Variants in NAA16 observed in about 807,000 individuals in gnomAD.
The protein encoded by NAA16 is N-alpha-acetyltransferase 16, NatA auxiliary subunit.
A neutral mutation model predicts 110.3 loss-of-function variants in NAA16; 97 were observed. The observed-to-expected ratio is 0.88, with a 90% CI of 0.75 to 1.04. The LOEUF is 1.04. Among genes scored for constraint, NAA16 ranks in the 50% least tolerant of loss-of-function variants. The pLI is 0.00. For missense variants in NAA16, 1,017 were observed against 1,005.1 expected (o/e 1.01, Z -0.16); for synonymous variants, 372 against 330.6 (o/e 1.13, Z -1.36).
chr13:41,373,588 T>C (rs79735614), intron 17 of NAA16, 49 bp from the exon 18 acceptor site: 87 of 1,515,904 alleles, frequency 5.7e-5, no homozygotes, highest in African/African-American at 1.0e-4. Flanking sequence ...TTTTTTTTTT[T>C]CAAAGGACAG....
At chr13:41,333,157 T>C (rs1327778936) in intron 8 of NAA16, among the ~76,000 whole-genome samples, 1 of 152,118 alleles carries the variant, frequency 6.6e-6, no homozygotes, top group African/African-American at 2.4e-5. Flanking sequence ...AAGATGGGAG[T>C]ATATGCGTAG....
chr13:41,361,377 A>G (rs996897454), intron 12 of NAA16, among the ~76,000 whole-genome samples: 1 of 152,200 alleles, frequency 6.6e-6, no homozygotes, highest in Non-Finnish European at 1.5e-5. Context: ...AGCTATTACT[A>G]ACAGATTTGA....
chr13:41,375,633 C>T lies in NAA16; in HGVS notation c.*31C>T, dbSNP rs749545143. 2.0e-6 allele frequency: 3 copies of T among 1,508,486 alleles called. No homozygotes were observed. The highest frequency in any genetic ancestry group is 2.7e-6 in the Non-Finnish European group (3 of 1,106,990). 93.4% of individuals were successfully genotyped at this position (1,508,486 alleles called of 1,614,324 possible). On this transcript the variant is annotated 3_prime_UTR_variant, in exon 20 of 20. Transcript: ENST00000379406. ...TCTAGAAAGTAGACTCCTATAGACT[C>T]AAAGCTGAATTGAGATCAGGGTTTC...
In NAA16 at chr13:41,311,563, A is replaced by C. The variant is rs377070676; in HGVS notation, c.35A>C (p.Asn12Thr). ...GTGCTGCTGCCGCCCAAGGAGAGCA[A>C]CCTCTTCAAACGCATCTTGGTGAGT... Reference protein sequence around the residue: ...PNVLLPPKESNLFKRILKCYE... With the variant: ...PNVLLPPKESTLFKRILKCYE... The change falls in exon 1 of 20, where the codon AAC (asparagine) becomes ACC (threonine). Residue 12 changes from asparagine to threonine, a missense_variant. Transcript: ENST00000379406. 6.2e-7 allele frequency: 1 copy of C among 1,608,104 alleles called. No individual in the cohort carries two copies. The highest frequency in any genetic ancestry group is 1.7e-5 in the Admixed American group (1 of 59,370).
intron 9 of NAA16, among the ~76,000 whole-genome samples, chr13:41,350,631 T>G (rs1431219951): frequency 6.7e-6 from 1 of 148,716 alleles, no homozygotes; most frequent in Admixed American, 6.7e-5. Flanking sequence ...TTTGTTTGTT[T>G]TTTTTAAGAT....
intron 17 of NAA16, chr13:41,373,039 C>A (rs1316141702): frequency 1.2e-6 from 1 of 800,094 alleles, no homozygotes; most frequent in Non-Finnish European, 1.5e-6. Flanking sequence ...AGTTGTCTTA[C>A]ATTAAGCTGG....
In NAA16 at chr13:41,320,088, A is replaced by T. The variant is rs2041909789; in HGVS notation, c.245-579A>T. On this transcript the variant is annotated intron_variant, in intron 3 of 19. Transcript: ENST00000379406. ...AGAGTGAAGAGAAGGGCATGTAAGTATGATAGTTTTGTGGGGCTTTTGGCT... is the reference window on the plus strand; with the variant it reads ...AGAGTGAAGAGAAGGGCATGTAAGTTTGATAGTTTTGTGGGGCTTTTGGCT... Among the ~76,000 whole-genome samples the T allele has an allele frequency of 2.0e-5, 3 of 152,326 alleles. No individual in the cohort carries two copies. In the South Asian group the frequency reaches 6.2e-4, roughly 32 times the overall value.
chr13:41,347,087 G>A (rs1358038061), intron 9 of NAA16, among the ~76,000 whole-genome samples: 2 of 151,636 alleles, frequency 1.3e-5, no homozygotes, highest in East Asian at 3.9e-4. Context: ...GTGGTGGCAG[G>A]CATCTACACT....
chr13:41,321,162 G>A lies in NAA16; in HGVS notation c.402+338G>A, dbSNP rs571482148. 1.8e-4 allele frequency among the ~76,000 whole-genome samples: 28 copies of A among 152,204 alleles called. No homozygotes were observed. The South Asian group carries it at 4.6e-3, about 25-fold the overall frequency. ...CAAATAAGAAAATTAGCCCGGTATGGTAGTTTACACCTGCAGTCCCAGCTA... is the reference window on the plus strand; with the variant it reads ...CAAATAAGAAAATTAGCCCGGTATGATAGTTTACACCTGCAGTCCCAGCTA... On this transcript the variant is annotated intron_variant, in intron 4 of 19. Transcript: ENST00000379406.
chr13:41,373,701 A>G lies in NAA16; in HGVS notation c.2220A>G (p.Ile740Met), dbSNP rs755426113. The G allele has an allele frequency of 1.2e-6, 2 of 1,611,692 alleles. No individual in the cohort carries two copies. The highest frequency in any genetic ancestry group is 1.1e-5 in the South Asian group (1 of 90,598). ...TTCTATCTCAAGAAATGCAGAAAAT[A>G]TTTGTCAAAAAGGATTTGGAAAGTT... Reference protein sequence around the residue: ...SKVLSQEMQKIFVKKDLESFN... With the variant: ...SKVLSQEMQKMFVKKDLESFN... The change falls in exon 18 of 20, where the codon ATA becomes ATG. Residue 740 changes from isoleucine (I) to methionine (M), a missense_variant. Physicochemically the swap from Ile to Met is conservative, Grantham distance 10. Coordinates refer to ENST00000379406, the MANE Select transcript of NAA16 (RefSeq NM_024561.5).
intron 6 of NAA16, 127 bp downstream of exon 6, chr13:41,325,978 C>A: frequency 1.6e-6 from 1 of 624,492 alleles, no homozygotes; most frequent in Non-Finnish European, 2.5e-6. Flanking sequence ...GATTATTAAG[C>A]CATTATTAAC....
chr13:41,374,370 G>C (rs2043387223), intron 18 of NAA16: 1 of 158,538 alleles, frequency 6.3e-6, no homozygotes, highest in African/African-American at 2.4e-5. Context: ...TCATAGTTTT[G>C]GCTGAAATAC....
Position 41,323,083 on chromosome 13 carries a change from C to T in NAA16, c.430C>T (p.Arg144Cys). 8 of 1,613,868 alleles carry T rather than the reference C, an allele frequency of 5.0e-6. No individual in the cohort carries two copies. The highest frequency in any genetic ancestry group is 1.1e-5 in the South Asian group (1 of 91,034). The change falls in exon 5 of 20, where the codon CGC becomes TGC. Residue 144 changes from arginine (R) to cysteine (C), a missense_variant. Coordinates refer to ENST00000379406, the MANE Select transcript of NAA16 (RefSeq NM_024561.5). The part of the protein sequence containing the change: ...RETRYQLLQL[R>C]PTQRASWIGY... ...GACAAGATACCAGCTTCTTCAGTTG[C>T]GCCCCACACAGCGTGCCTCCTGGAT... is the stretch of plus-strand genomic sequence containing the variant.
chr13:41,358,145 T>G (rs1036495749), intron 10 of NAA16, among the ~76,000 whole-genome samples, 159 bp from the exon 11 acceptor site: 1 of 152,262 alleles, frequency 6.6e-6, no homozygotes, highest in Non-Finnish European at 1.5e-5. Context: ...TTTTGAACTT[T>G]ATGAAGTCAT....
chr13:41,333,600 G>T (rs1418141430), intron 8 of NAA16, among the ~76,000 whole-genome samples: 2 of 152,090 alleles, frequency 1.3e-5, no homozygotes, highest in Non-Finnish European at 1.5e-5. Flanking sequence ...TATATTGTGT[G>T]TGGGGGGGAT....
chr13:41,311,958 C>CT (rs1049092213), intron 1 of NAA16, among the ~76,000 whole-genome samples: 1 of 152,230 alleles, frequency 6.6e-6, no homozygotes, highest in African/African-American at 2.4e-5. Context: ...GTTTATTTTG[C>CT]CAGTCTCTCC....
intron 13 of NAA16, among the ~76,000 whole-genome samples, chr13:41,366,276 A>C (rs1345214251): frequency 6.6e-6 from 1 of 152,138 alleles, no homozygotes; most frequent in African/African-American, 2.4e-5. Context: ...TACTTAATAT[A>C]ATTCTGTATA....
At chr13:41,331,997 A>G (rs775151036) in intron 8 of NAA16, among the ~76,000 whole-genome samples, 3 of 152,166 alleles carry the variant, frequency 2.0e-5, no homozygotes, top group Admixed American at 1.3e-4. Flanking sequence ...TAAATTCCCT[A>G]TAATTAGTGA....
chr13:41,325,425 T>C (rs1566249929), intron 5 of NAA16, among the ~76,000 whole-genome samples: 2 of 152,194 alleles, frequency 1.3e-5, no homozygotes, highest in Non-Finnish European at 2.9e-5. Context: ...GTAGTTTTTT[T>C]TTTGTAGATT....
Sources: gnomAD v4.1 joint callset for allele counts (sites outside exome capture counted in the v4.1 genomes callset) on GRCh38, gnomAD v4.1.1 for gene constraint, MANE v1.5 for transcripts, NCBI Gene and HGNC (gene_info 2026-07-23, HGNC 2026-07-21) for gene names.